The following SNX29 variants were observed in gnomAD, a reference collection of about 807,000 sequenced individuals.
SNX29 encodes sorting nexin-29.
A neutral mutation model predicts 102.1 loss-of-function variants in SNX29; 78 were observed. That is an observed-to-expected ratio of 0.76 (90% CI 0.64 to 0.92). The LOEUF (loss-of-function observed/expected upper bound fraction) is 0.92, where lower values mean the gene tolerates loss of function less well. SNX29 is among the 40% of genes least tolerant of loss of function. The probability of loss-of-function intolerance (pLI) is 0.00; values close to 1 mark genes in which losing one functional copy is unlikely to be tolerated. For synonymous variants in SNX29, 580 were observed against 414.5 expected (o/e 1.40, Z -4.85); for missense variants, 1,280 against 1,061.7 (o/e 1.21, Z -2.86).
chr16:12,221,883 A>G (rs1204946877), intron 14 of SNX29, among the ~76,000 whole-genome samples: 2 of 152,180 alleles, frequency 1.3e-5, no homozygotes, highest in African/African-American at 2.4e-5. Flanking sequence ...AACTCCCAAG[A>G]GAGGGGTTGT....
chr16:12,135,588 G>C (rs532615518), intron 13 of SNX29: 9 of 1,339,922 alleles, frequency 6.7e-6, no homozygotes, highest in Non-Finnish European at 8.8e-6. Context: ...CTAACCCCAC[G>C]TGAGAACCAT....
chr16:11,999,962 G>A (rs1021484665), intron 2 of SNX29, among the ~76,000 whole-genome samples: 2 of 151,852 alleles, frequency 1.3e-5, no homozygotes, highest in Non-Finnish European at 2.9e-5. Flanking sequence ...TTTCCAAGCA[G>A]TTGTGTTTGA....
intron 11 of SNX29, among the ~76,000 whole-genome samples, chr16:12,088,890 C>G (rs2052355847): frequency 6.6e-6 from 1 of 152,110 alleles, no homozygotes; most frequent in African/African-American, 2.4e-5. Context: ...GAGTTCGAGA[C>G]CAGCCTGGCC....
chr16:12,182,578 A>G (rs1173797869), intron 13 of SNX29, among the ~76,000 whole-genome samples: 2 of 151,992 alleles, frequency 1.3e-5, no homozygotes, highest in Non-Finnish European at 2.9e-5. Flanking sequence ...GGAGCTCCGC[A>G]CCCCTGCCAA....
rs146918476 is a variant in SNX29 at position 12,017,913 on chromosome 16, G to T, written c.123-9407G>T. Among the ~76,000 whole-genome samples the T allele has an allele frequency of 7.4e-3, 1,127 of 151,986 alleles. 9 individuals are homozygous for T. The highest frequency in any genetic ancestry group is 0.026 in the African/African-American group (1,058 of 41,458). On this transcript the variant is annotated intron_variant, in intron 3 of 20. Coordinates refer to ENST00000566228, the MANE Select transcript of SNX29 (RefSeq NM_032167.5). ...GGGTGGGGGGGCTTTCTTTTGTTTT[G>T]TTCTTTTTTTTGAGACGAAGTCTCT... is the stretch of plus-strand genomic sequence containing the variant.
chr16:12,004,661 G>A (rs1443385755), intron 3 of SNX29, among the ~76,000 whole-genome samples: 3 of 152,158 alleles, frequency 2.0e-5, no homozygotes, highest in African/African-American at 7.2e-5. Flanking sequence ...ACCCTCCTGT[G>A]TCCATCGTTC....
At chr16:12,539,982 A>C (rs762079031) in intron 20 of SNX29, among the ~76,000 whole-genome samples, 3 of 152,146 alleles carry the variant, frequency 2.0e-5, no homozygotes, top group Non-Finnish European at 2.9e-5. Context: ...ATTTTCTTCT[A>C]GTCTTCAGCT....
At chr16:12,066,980 AAAATAAATAAATAAATAAATAAAT>A (rs34221283) in intron 9 of SNX29, among the ~76,000 whole-genome samples, 84 of 133,748 alleles carry the variant, frequency 6.3e-4, no homozygotes, top group African/African-American at 2.0e-3. Context: ...CCGTGTCTCT[AAAATAAATAAATAAATAAATAAAT>A]AAATAAATAA....
chr16:12,539,283 C>G (rs938796920), intron 20 of SNX29, among the ~76,000 whole-genome samples: 2 of 152,008 alleles, frequency 1.3e-5, no homozygotes, highest in East Asian at 1.9e-4. Flanking sequence ...GCTGCACCCT[C>G]CCCCACCTCT....
intron 13 of SNX29, among the ~76,000 whole-genome samples, chr16:12,149,903 A>G (rs2055225739): frequency 6.6e-6 from 1 of 152,174 alleles, no homozygotes; most frequent in Non-Finnish European, 1.5e-5. Flanking sequence ...CACTCCAGTT[A>G]GAACAGTTTG....
At position 12,196,617 on chromosome 16, in the gene SNX29, TTTTTC is replaced by T. The variant is rs1310970678; in HGVS notation, c.1596-2979_1596-2975del. On this transcript the variant is annotated intron_variant, in intron 13 of 20. Coordinates refer to ENST00000566228, the MANE Select transcript of SNX29 (RefSeq NM_032167.5). ...CACTTTTTTTACTTTTCTTTTTTCTTTTTTCTTTTTTTTTTTTTTTTGGAGACGGA... is the reference window on the plus strand; with the variant it reads ...CACTTTTTTTACTTTTCTTTTTTCTTTTTTTTTTTTTTTTTTGGAGACGGA... Among the ~76,000 whole-genome samples the T allele has an allele frequency of 1.1e-3, 114 of 107,434 alleles. 1 individual carries two copies. Among genetic ancestry groups the T allele is most frequent in the Middle Eastern group, 4.8e-3 (1 of 210 alleles). 70.5% of individuals were successfully genotyped at this position (107,434 alleles called of 152,430 possible).
intron 18 of SNX29, among the ~76,000 whole-genome samples, chr16:12,434,524 G>A (rs949109747): frequency 1.3e-5 from 2 of 152,064 alleles, no homozygotes; most frequent in African/African-American, 4.8e-5. Context: ...AGTGCTAGTC[G>A]GGGGTAATAT....
chr16:12,568,571 T>G lies in SNX29; in HGVS notation c.2384T>G (p.Leu795Arg), dbSNP rs376360576. 2 of 1,607,924 alleles carry G rather than the reference T, an allele frequency of 1.2e-6. No individual in the cohort carries two copies. The highest frequency in any genetic ancestry group is 2.7e-5 in the African/African-American group (2 of 74,924). Residue 795 changes from leucine to arginine, a missense_variant, in exon 21 of 21, where the codon CTG becomes CGG. Leu to Arg is a moderately radical substitution (Grantham distance 102). Coordinates refer to ENST00000566228, the MANE Select transcript of SNX29 (RefSeq NM_032167.5). ...RPKAASRFPK[L>R]SRGQPRETRN... is the part of the protein sequence containing the mutation. ...AAAGCAGCTTCCCGCTTCCCCAAACTGTCCCGGGGTCAGCCCCGGGAGACC... is the reference window on the plus strand; with the variant it reads ...AAAGCAGCTTCCCGCTTCCCCAAACGGTCCCGGGGTCAGCCCCGGGAGACC...
At chr16:12,499,268 CTT>C (rs1480220116) in intron 19 of SNX29, among the ~76,000 whole-genome samples, 2 of 152,164 alleles carry the variant, frequency 1.3e-5, no homozygotes, top group Admixed American at 6.5e-5. Context: ...GTTTTGGAGA[CTT>C]TTGCAGATGC....
intron 1 of SNX29, among the ~76,000 whole-genome samples, chr16:11,978,820 G>T (rs577393647): frequency 6.6e-6 from 1 of 152,228 alleles, no homozygotes; most frequent in African/African-American, 2.4e-5. Flanking sequence ...AGCTACTTGG[G>T]AGGCTGAGGC....
intron 13 of SNX29, among the ~76,000 whole-genome samples, chr16:12,177,344 G>T (rs1282056849): frequency 2.0e-5 from 3 of 152,190 alleles, no homozygotes; most frequent in Non-Finnish European, 4.4e-5. Context: ...AAAGTAGTAG[G>T]AGGAGAGTGG....
intron 11 of SNX29, among the ~76,000 whole-genome samples, chr16:12,082,468 C>G (rs1424384600): frequency 1.3e-5 from 2 of 152,222 alleles, no homozygotes; most frequent in Non-Finnish European, 2.9e-5. Context: ...CTGGCCTTGC[C>G]TGTGCATTTT....
chr16:12,349,133 G>A (rs565985090), intron 15 of SNX29, among the ~76,000 whole-genome samples: 1 of 152,206 alleles, frequency 6.6e-6, no homozygotes, highest in African/African-American at 2.4e-5. Context: ...CTTTAGACAG[G>A]CCACTTGCCC....
chr16:11,983,685 C>T (rs1397444800), intron 1 of SNX29: 1 of 985,382 alleles, frequency 1.0e-6, no homozygotes, highest in African/African-American at 1.7e-5. Flanking sequence ...TGTTGGCTAT[C>T]TTGCCTCCTG....
Sources: allele counts gnomAD v4.1 joint callset (sites outside exome capture counted in the v4.1 genomes callset), GRCh38; gene constraint gnomAD v4.1.1; transcripts MANE v1.5; gene names NCBI Gene and HGNC (gene_info 2026-07-23, HGNC 2026-07-21).